Variants in NFASC observed in about 807,000 individuals in gnomAD.
NFASC encodes the protein neurofascin homolog.
In NFASC, 43 loss-of-function variants were observed where a neutral mutation model predicts 147.5. The observed-to-expected ratio is 0.29, with a 90% CI of 0.23 to 0.38. The LOEUF (loss-of-function observed/expected upper bound fraction) is 0.38, where lower values mean the gene tolerates loss of function less well. Among genes scored for constraint, NFASC ranks in the 10% least tolerant of loss-of-function variants. NFASC has a pLI of 1.00. For missense variants in NFASC, 1,320 were observed against 1,689.0 expected (o/e 0.78, Z 3.83); for synonymous variants, 622 against 665.5 (o/e 0.93, Z 1.01).
intron 1 of NFASC, among the ~76,000 whole-genome samples, chr1:204,857,126 C>G (rs1013416120): frequency 2.0e-5 from 3 of 152,208 alleles, no homozygotes; most frequent in South Asian, 2.1e-4. Context: ...GAGGCTGCAC[C>G]ATGTTATGTT....
chr1:204,994,402 AC>A (rs2095803226), intron 24 of NFASC, among the ~76,000 whole-genome samples: 1 of 152,010 alleles, frequency 6.6e-6, no homozygotes, highest in Non-Finnish European at 1.5e-5. Context: ...CTCTCTTGAC[AC>A]CTCTGTCCCC....
At chr1:204,984,834 C>T (rs777403286) in intron 21 of NFASC, among the ~76,000 whole-genome samples, 3 of 152,108 alleles carry the variant, frequency 2.0e-5, no homozygotes, top group South Asian at 2.1e-4. Context: ...GTATACACGG[C>T]GCTCCCTTCT....
At chr1:204,993,276 A>G (rs866452135) in intron 24 of NFASC, among the ~76,000 whole-genome samples, 1 of 152,198 alleles carries the variant, frequency 6.6e-6, no homozygotes, top group African/African-American at 2.4e-5. Flanking sequence ...TCTGTCTGAC[A>G]ATCTGTGATT....
chr1:204,952,137 G>A (rs2094161243), intron 5 of NFASC, 21 bp downstream of exon 5: 1 of 1,577,184 alleles, frequency 6.3e-7, no homozygotes, highest in Non-Finnish European at 8.7e-7. Flanking sequence ...GGGAAAAAGA[G>A]TGCATTGAAA....
chr1:204,936,055 G>A lies in NFASC; in HGVS notation c.-90-8171G>A, dbSNP rs572728631. Among the ~76,000 whole-genome samples, 6 of 152,188 alleles carry A rather than the reference G, an allele frequency of 3.9e-5. No homozygotes were observed. In the East Asian group the frequency reaches 1.2e-3, roughly 29 times the overall value. On this transcript the variant is annotated intron_variant, in intron 2 of 29. Coordinates refer to ENST00000339876, the MANE Select transcript of NFASC (RefSeq NM_001005388.3). ...ACTGTTGGCAGCTCTGGGGAGAGTG[G>A]GAGGGGGGTCCTGAGTCCCACCTGT...
At chr1:204,927,830 C>T (rs1356888279) in intron 2 of NFASC, among the ~76,000 whole-genome samples, 1 of 152,192 alleles carries the variant, frequency 6.6e-6, no homozygotes, top group African/African-American at 2.4e-5. Flanking sequence ...GGGGTAACTT[C>T]ACAAGCCTCT....
intron 25 of NFASC, 100 bp downstream of exon 25, chr1:204,997,506 G>C: frequency 7.2e-7 from 1 of 1,383,542 alleles, no homozygotes; most frequent in East Asian, 2.5e-5. Context: ...GTGGGGTCTG[G>C]GGTGGTGTTT....
chr1:204,927,662 C>T (rs1003747575), intron 2 of NFASC, among the ~76,000 whole-genome samples: 6 of 152,128 alleles, frequency 3.9e-5, no homozygotes, highest in Non-Finnish European at 7.3e-5. Flanking sequence ...TCTTGGGTCC[C>T]CACCCTTAGG....
At chr1:204,837,654 A>G (rs1181298694) in intron 1 of NFASC, among the ~76,000 whole-genome samples, 3 of 152,122 alleles carry the variant, frequency 2.0e-5, no homozygotes, top group Non-Finnish European at 4.4e-5. Flanking sequence ...ATACACTGGG[A>G]AGGAGCTTGT....
intron 1 of NFASC, among the ~76,000 whole-genome samples, chr1:204,896,749 A>G (rs1015825675): frequency 6.6e-6 from 1 of 152,144 alleles, no homozygotes; most frequent in Non-Finnish European, 1.5e-5. Context: ...ATCGGCATAT[A>G]AAAAAATTAT....
At position 204,979,696 on chromosome 1, in the gene NFASC, GTAA is replaced by G; in HGVS notation, c.2176+144_2176+146del. On this transcript the variant is annotated intron_variant, in intron 19 of 29. Transcript: ENST00000339876. This position sits in a 1 kb window ranked among gnomAD's most constrained non-coding sequence, Gnocchi z 6.0. Reference sequence around the variant, plus strand: ...CCCGGCCTCATCTGTGAGGCAGAGAGTAATAATAACACCTACATCACAGAGCTG... The same window carrying G: ...CCCGGCCTCATCTGTGAGGCAGAGAGTAATAACACCTACATCACAGAGCTG... The G allele has an allele frequency of 1.3e-6, 1 of 765,752 alleles. No homozygotes were observed. The highest frequency in any genetic ancestry group is 2.3e-6 in the Non-Finnish European group (1 of 437,904). The allele number at this position is 765,752 out of a possible 1,614,324, so 47.4% of individuals were successfully genotyped here. A position where few individuals can be genotyped will look rare whatever the true frequency, so the allele number is the denominator to read the frequency against.
intron 1 of NFASC, among the ~76,000 whole-genome samples, chr1:204,915,911 C>T (rs142251871): frequency 1.1e-4 from 16 of 152,200 alleles, no homozygotes; most frequent in African/African-American, 3.9e-4. Context: ...GTAAAGAATC[C>T]CCAGACAGTC....
chr1:204,991,199 C>T (rs1016538248), intron 23 of NFASC, 93 bp from the exon 24 acceptor site: 2 of 1,444,938 alleles, frequency 1.4e-6, no homozygotes, highest in Non-Finnish European at 1.9e-6. Flanking sequence ...TCCCTGCTTT[C>T]CTTGTCCTGT....
At chr1:205,004,481 G>A (rs7545755) in intron 27 of NFASC, among the ~76,000 whole-genome samples, 27,923 of 152,236 alleles carry the variant, frequency 0.18, 3,566 homozygotes, top group African/African-American at 0.36. Flanking sequence ...TCCTCCCAGC[G>A]AGAGCTGGAG....
chr1:204,966,383 A>G (rs1325703815), intron 8 of NFASC, among the ~76,000 whole-genome samples: 1 of 152,184 alleles, frequency 6.6e-6, no homozygotes, highest in African/African-American at 2.4e-5. Context: ...ATGACGACTT[A>G]GCTGGGACCT....
At position 204,997,221 on chromosome 1, in the gene NFASC, G is replaced by C. The variant is rs1411688754; in HGVS notation, c.2834G>C (p.Ser945Thr). 5 of 1,613,768 alleles carry C rather than the reference G, an allele frequency of 3.1e-6. No individual in the cohort carries two copies. Among genetic ancestry groups the C allele is most frequent in the Non-Finnish European group, 4.2e-6 (5 of 1,179,872 alleles). Residue 945 changes from serine to threonine, a missense_variant, in exon 25 of 30, where the codon AGT becomes ACT. By Grantham distance (58) the Ser-to-Thr change is moderately conservative (BLOSUM62 1). This residue lies in a region of NFASC where 172 missense variants were observed against 165.8 expected (regional missense o/e 1.04). Coordinates refer to ENST00000339876, the MANE Select transcript of NFASC (RefSeq NM_001005388.3). ...TTVGATGAVS[S>T]TDATAIAATT... Reference sequence around the variant, plus strand: ...GTGGGTGCGACGGGCGCTGTGAGCAGTACCGATGCTACTGCCATTGCTGCC... The same window carrying C: ...GTGGGTGCGACGGGCGCTGTGAGCACTACCGATGCTACTGCCATTGCTGCC...
At position 205,012,784 on chromosome 1, in the gene NFASC, C is replaced by T. The variant is rs911726939; in HGVS notation, c.3422-13C>T. 1.2e-6 allele frequency: 2 copies of T among 1,605,442 alleles called. No homozygotes were observed. Among genetic ancestry groups the T allele is most frequent in the Non-Finnish European group, 1.7e-6 (2 of 1,172,118 alleles). On this transcript the variant is annotated splice_polypyrimidine_tract_variant and intron_variant, in intron 28 of 29. Coordinates refer to ENST00000339876, the MANE Select transcript of NFASC (RefSeq NM_001005388.3). ...TCGTCGTGTCTGTGTCTTTGCTTCT[C>T]CTTTTGACCAAGTACGAGAAAAGAA... is the stretch of plus-strand genomic sequence containing the variant.
chr1:204,986,323 CAAGAG>C lies in NFASC; in HGVS notation c.2471-1090_2471-1086del, dbSNP rs2095614450. Reference sequence around the variant, plus strand: ...CCTGCCCTGCGAGGAGGTTGTATCTCAAGAGAAGACCTGTGAGGTCTGCTGACATA... The same window carrying C: ...CCTGCCCTGCGAGGAGGTTGTATCTCAAGACCTGTGAGGTCTGCTGACATA... On this transcript the variant is annotated intron_variant, in intron 21 of 29. Coordinates refer to ENST00000339876, the MANE Select transcript of NFASC (RefSeq NM_001005388.3). The surrounding 1 kb of genome is among the most constrained non-coding windows in gnomAD (Gnocchi z 4.2). Among the ~76,000 whole-genome samples the C allele has an allele frequency of 6.6e-6, 1 of 152,226 alleles. No individual in the cohort carries two copies. The highest frequency in any genetic ancestry group is 6.5e-5 in the Admixed American group (1 of 15,280).
intron 23 of NFASC, 105 bp from the exon 24 acceptor site, chr1:204,991,187 C>A (rs2095723854): frequency 8.0e-6 from 11 of 1,375,054 alleles, no homozygotes; most frequent in East Asian, 2.4e-5. Context: ...GGGCTGGAAC[C>A]TTCCCTGCTT....
Sources: gnomAD v4.1 joint callset for allele counts (sites outside exome capture counted in the v4.1 genomes callset) on GRCh38, gnomAD v4.1.1 for gene constraint, gnomAD v4.1.1 regional missense constraint, Gnocchi (gnomAD v3.1) non-coding constraint, MANE v1.5 for transcripts, NCBI Gene and HGNC (gene_info 2026-07-23, HGNC 2026-07-21) for gene names.